Variants in STK32A observed in about 807,000 individuals in gnomAD.
STK32A encodes the protein serine/threonine-protein kinase 32A.
A neutral mutation model predicts 53.2 loss-of-function variants in STK32A; 41 were observed. That is an observed-to-expected ratio of 0.77 (90% CI 0.60 to 1.00). The LOEUF (loss-of-function observed/expected upper bound fraction) is 1.00. Among genes scored for constraint, STK32A ranks in the 50% least tolerant of loss-of-function variants. STK32A has a pLI of 0.00. For missense variants in STK32A, 458 were observed against 485.8 expected, an observed-to-expected ratio of 0.94 and a Z score of 0.54; for synonymous variants, 166 against 162.8, an observed-to-expected ratio of 1.02 and a Z score of -0.15.
Position 147,384,370 on chromosome 5 carries a change from T to G in STK32A, c.*387T>G. On this transcript the variant is annotated 3_prime_UTR_variant, in exon 13 of 13. Transcript: ENST00000397936. ...TTTATTTTTCCACTCCTTCTAATTATGCAGTGACAAATGGACAAATGGACA... is the reference window on the plus strand; with the variant it reads ...TTTATTTTTCCACTCCTTCTAATTAGGCAGTGACAAATGGACAAATGGACA... The G allele has an allele frequency of 6.5e-7, 1 of 1,526,886 alleles. No individual in the cohort carries two copies. Among genetic ancestry groups the G allele is most frequent in the Non-Finnish European group, 8.8e-7 (1 of 1,141,692 alleles). The allele number at this position is 1,526,886 out of a possible 1,614,324, so 94.6% of individuals were successfully genotyped here. A position where few individuals can be genotyped will look rare whatever the true frequency, so the allele number is the denominator to read the frequency against.
At chr5:147,332,023 C>T (rs1348820494) in intron 5 of STK32A, among the ~76,000 whole-genome samples, 2 of 152,212 alleles carry the variant, frequency 1.3e-5, no homozygotes, top group East Asian at 3.8e-4. Context: ...TACTTTGTGA[C>T]AGCAGCTCTA....
intron 5 of STK32A, among the ~76,000 whole-genome samples, chr5:147,328,677 T>C (rs554288863): frequency 2.6e-5 from 4 of 152,326 alleles, no homozygotes; most frequent in Admixed American, 6.5e-5. Flanking sequence ...GACAAAGTGA[T>C]TATTTGCTTT....
chr5:147,395,597 G>A, the STK32A span: 4 of 1,613,778 alleles, frequency 2.5e-6, no homozygotes, highest in African/African-American at 5.3e-5. Context: ...ATTCCTCACA[G>A]GTGGGTTCGG....
At chr5:147,373,130 T>A in intron 9 of STK32A, 39 bp from the exon 10 acceptor site, 1 of 1,608,488 alleles carries the variant, frequency 6.2e-7, no homozygotes. Flanking sequence ...TGTCCTTCTA[T>A]CCTTTCTTAT....
chr5:147,363,791 A>G (rs539208942), intron 8 of STK32A, among the ~76,000 whole-genome samples: 1 of 152,290 alleles, frequency 6.6e-6, no homozygotes, highest in East Asian at 1.9e-4. Flanking sequence ...TTTCTGCAAT[A>G]TGGATAGAAA....
intron 8 of STK32A, among the ~76,000 whole-genome samples, chr5:147,362,560 C>T (rs1027323492): frequency 3.9e-5 from 6 of 152,222 alleles, no homozygotes; most frequent in Admixed American, 6.5e-5. Flanking sequence ...TTGAGTGGGA[C>T]ACAAACATTC....
intron 4 of STK32A, among the ~76,000 whole-genome samples, chr5:147,281,883 A>G (rs1038669329): frequency 1.3e-5 from 2 of 152,194 alleles, no homozygotes; most frequent in Non-Finnish European, 2.9e-5. Context: ...CTACAAAGGA[A>G]AACCTATTAG....
intron 4 of STK32A, among the ~76,000 whole-genome samples, chr5:147,290,797 C>G (rs1206713344): frequency 6.6e-6 from 1 of 152,064 alleles, no homozygotes; most frequent in Non-Finnish European, 1.5e-5. Context: ...GATTAAGTAT[C>G]GAGTTTGCTG....
intron 5 of STK32A, among the ~76,000 whole-genome samples, chr5:147,336,913 C>T (rs1057496399): frequency 3.5e-4 from 54 of 152,136 alleles, no homozygotes; most frequent in African/African-American, 1.3e-3. Context: ...AAACTATGGA[C>T]CATCAAAAGG....
intron 6 of STK32A, 164 bp downstream of exon 6, chr5:147,343,207 G>A: frequency 1.2e-6 from 1 of 803,054 alleles, no homozygotes; most frequent in South Asian, 1.3e-5. Context: ...TATTACTTAT[G>A]GCAGGTTATA....
chr5:147,312,188 C>T (rs555161845), intron 4 of STK32A, among the ~76,000 whole-genome samples: 19 of 152,182 alleles, frequency 1.2e-4, no homozygotes, highest in Non-Finnish European at 2.4e-4. Flanking sequence ...GCAACCTCTG[C>T]CCCCCAGGTT....
At chr5:147,396,155 C>T in the STK32A span, among the ~76,000 whole-genome samples, 3 of 152,152 alleles carry the variant, frequency 2.0e-5, no homozygotes, top group Non-Finnish European at 4.4e-5. Context: ...GACACGAGGT[C>T]GCAGGTCCTG....
intron 8 of STK32A, 74 bp downstream of exon 8, chr5:147,361,688 G>A: frequency 9.1e-7 from 1 of 1,095,772 alleles, no homozygotes; most frequent in Non-Finnish European, 1.4e-6. Flanking sequence ...TGTATTGTTT[G>A]CTAAGATCCA....
intron 5 of STK32A, among the ~76,000 whole-genome samples, chr5:147,330,656 T>C (rs11954789): frequency 6.6e-6 from 1 of 152,036 alleles, no homozygotes; most frequent in South Asian, 2.1e-4. Flanking sequence ...AAGTGATCAG[T>C]AATGATTCTT....
chr5:147,336,249 A>G (rs1482875120), intron 5 of STK32A, among the ~76,000 whole-genome samples: 1 of 152,110 alleles, frequency 6.6e-6, no homozygotes, highest in East Asian at 1.9e-4. Context: ...GTCTGGCCCT[A>G]TCAGTTGTAT....
At chr5:147,248,121 CAA>C (rs34098316) in intron 2 of STK32A, among the ~76,000 whole-genome samples, 10,464 of 79,908 alleles carry the variant, frequency 0.13, 359 homozygotes, top group Admixed American at 0.19. Flanking sequence ...AACTCCGTCT[CAA>C]AAAAAAAAAA....
chr5:147,274,915 G>A (rs141842671), intron 2 of STK32A, among the ~76,000 whole-genome samples: 1 of 152,116 alleles, frequency 6.6e-6, no homozygotes, highest in African/African-American at 2.4e-5. Context: ...TCTGTAAAGA[G>A]CCATCCAGTA....
intron 2 of STK32A, among the ~76,000 whole-genome samples, chr5:147,276,148 A>C (rs1755251048): frequency 6.6e-6 from 1 of 152,178 alleles, no homozygotes; most frequent in Admixed American, 6.5e-5. Context: ...AATGGGTGTA[A>C]GAAAATCATT....
chr5:147,398,194 G>T, the STK32A span, among the ~76,000 whole-genome samples: 11 of 151,996 alleles, frequency 7.2e-5, no homozygotes, highest in Non-Finnish European at 8.8e-5. Context: ...TGGCCTTTAG[G>T]TCCCTCTAGC....
Sources: gnomAD v4.1 joint callset for allele counts (sites outside exome capture counted in the v4.1 genomes callset) on GRCh38, gnomAD v4.1.1 for gene constraint, MANE v1.5 for transcripts, NCBI Gene and HGNC (gene_info 2026-07-23, HGNC 2026-07-21) for gene names.